The following GLYR1 variants were observed in gnomAD, a reference collection of about 807,000 sequenced individuals.
The protein encoded by GLYR1 is cytokine-like nuclear factor N-PAC.
GLYR1 carries 21 observed loss-of-function variants against 72.7 expected under a neutral mutation model. The ratio of observed to expected loss-of-function variants is 0.29; its 90% CI spans 0.20 to 0.42. The LOEUF is 0.42. Among genes scored for constraint, GLYR1 ranks in the 10% least tolerant of loss-of-function variants. The pLI, the probability that GLYR1 is intolerant of heterozygous loss-of-function variation, is 1.00. For missense variants in GLYR1, 594 were observed against 712.1 expected, an observed-to-expected ratio of 0.83 and a Z score of 1.89; for synonymous variants, 392 against 270.2, an observed-to-expected ratio of 1.45 and a Z score of -4.42.
intron 15 of GLYR1, among the ~76,000 whole-genome samples, chr16:4,805,673 T>A (rs1041132218): frequency 1.3e-5 from 2 of 152,114 alleles, no homozygotes; most frequent in African/African-American, 2.4e-5. Flanking sequence ...AAACCTCATC[T>A]CTACTAAAAA....
chr16:4,812,153 T>G lies in GLYR1; in HGVS notation c.1215A>C (p.Gly405=). Residue 405 remains glycine, a synonymous_variant, in exon 13 of 16, where the codon GGA becomes GGC. Transcript: ENST00000321919. ...NDGMLVILAA[G]DRGLYEDCSS... ...TGCAGTCCTCATATAAGCCCCTGTC[T>G]CCAGCCGCTAAGATCACCAACATCC... 1 of 1,613,564 alleles carries G rather than the reference T, an allele frequency of 6.2e-7. No homozygotes were observed. The highest frequency in any genetic ancestry group is 8.5e-7 in the Non-Finnish European group (1 of 1,179,984).
In GLYR1 at chr16:4,804,647, G is replaced by A. The variant is rs17624872; in HGVS notation, c.*589C>T. The stretch of plus-strand genomic sequence containing the variant: ...CTGGGTGCACACTGGACGCTTAGAC[G>A]TGAACATCTTTCTCAGCTCATCACC... On this transcript the variant is annotated 3_prime_UTR_variant, in exon 16 of 16. Coordinates refer to ENST00000321919, the MANE Select transcript of GLYR1 (RefSeq NM_032569.4). 2,805 of 157,016 alleles carry A rather than the reference G, an allele frequency of 0.018. 53 individuals carry two copies. Among genetic ancestry groups the A allele is most frequent in the Middle Eastern group, 0.043 (13 of 300 alleles). 9.7% of individuals were successfully genotyped at this position (157,016 alleles called of 1,614,324 possible). A position where few individuals can be genotyped will look rare whatever the true frequency, so the allele number is the denominator to read the frequency against.
intron 3 of GLYR1, chr16:4,843,756 G>A (rs13337114): frequency 4.6e-6 from 3 of 650,096 alleles, no homozygotes; most frequent in Admixed American, 7.6e-5. Context: ...CAAATCTAAG[G>A]CTGTATTTTC....
chr16:4,822,715 C>A, intron 7 of GLYR1, among the ~76,000 whole-genome samples, 160 bp downstream of exon 7: 1 of 152,214 alleles, frequency 6.6e-6, no homozygotes, highest in Non-Finnish European at 1.5e-5. Context: ...CTTAACAATG[C>A]TTGGCTCATT....
intron 3 of GLYR1, among the ~76,000 whole-genome samples, chr16:4,834,295 CT>C (rs778256795): frequency 0.022 from 2,624 of 118,340 alleles, 9 homozygotes; most frequent in Non-Finnish European, 0.029. Context: ...AGGCAAATTC[CT>C]TTTTTTTTTT....
At position 4,822,930 on chromosome 16, in the gene GLYR1, G is replaced by C. The variant is rs1165945024; in HGVS notation, c.626C>G (p.Pro209Arg). Residue 209 changes from proline (P) to arginine (R), a missense_variant and splice_region_variant, in exon 7 of 16, where the codon CCT becomes CGT. Pro to Arg is a moderately radical substitution (Grantham distance 103). This residue lies in a region of GLYR1 where 252 missense variants were observed against 211.3 expected (regional missense o/e 1.19). Coordinates refer to ENST00000321919, the MANE Select transcript of GLYR1 (RefSeq NM_032569.4). ...AFKWQPTASEPVKDADPHFHH... is the reference protein window; with the variant it reads ...AFKWQPTASERVKDADPHFHH... ...GAAATGAGGATCTGCATCTTTAACA[G>C]GCTGAAACCAGAAAACAGTGAAATA... The C allele has an allele frequency of 1.2e-6, 2 of 1,613,840 alleles. No individual in the cohort carries two copies. Among genetic ancestry groups the C allele is most frequent in the East Asian group, 2.2e-5 (1 of 44,888 alleles).
chr16:4,818,133 T>C (rs1290822854), intron 9 of GLYR1, among the ~76,000 whole-genome samples: 2 of 152,136 alleles, frequency 1.3e-5, no homozygotes, highest in African/African-American at 4.8e-5. Context: ...TAGCTGGGAT[T>C]ACAGGCGCAC....
chr16:4,832,884 G>C lies in GLYR1; in HGVS notation c.184C>G (p.Pro62Ala). The C allele has an allele frequency of 2.5e-6, 4 of 1,612,736 alleles. No homozygotes were observed. Among genetic ancestry groups the C allele is most frequent in the Non-Finnish European group, 2.5e-6 (3 of 1,179,464 alleles). ...ATTTCCTCTTTATGAGCATGATATGGCTTCAGCTGTTCCACTTTGATCCAG... is the reference window on the plus strand; with the variant it reads ...ATTTCCTCTTTATGAGCATGATATGCCTTCAGCTGTTCCACTTTGATCCAG... ...HAWIKVEQLKPYHAHKEEMIK... is the reference protein window; with the variant it reads ...HAWIKVEQLKAYHAHKEEMIK... The change falls in exon 4 of 16, where the codon CCA becomes GCA. Residue 62 changes from proline (P) to alanine (A), a missense_variant. Coordinates refer to ENST00000321919, the MANE Select transcript of GLYR1 (RefSeq NM_032569.4).
chr16:4,817,845 G>C, intron 9 of GLYR1, 148 bp from the exon 10 acceptor site: 1 of 637,758 alleles, frequency 1.6e-6, no homozygotes, highest in Non-Finnish European at 2.8e-6. Flanking sequence ...TCTACCTGCA[G>C]AGCCAGGGGC....
intron 5 of GLYR1, among the ~76,000 whole-genome samples, chr16:4,827,329 C>T (rs2084447454): frequency 6.6e-6 from 1 of 152,182 alleles, no homozygotes; most frequent in South Asian, 2.1e-4. Context: ...GCATTTAAAA[C>T]ACACCAAAAT....
chr16:4,829,755 C>G (rs1039391569), intron 5 of GLYR1, among the ~76,000 whole-genome samples: 3 of 152,164 alleles, frequency 2.0e-5, no homozygotes, highest in African/African-American at 7.2e-5. Flanking sequence ...TCACTGCAAC[C>G]TCTGCCTCCT....
rs1367024512 is a variant in GLYR1 at position 4,833,698 on chromosome 16, C to T, written c.156-786G>A. On this transcript the variant is annotated intron_variant, in intron 3 of 15. Transcript: ENST00000321919. ...TTGAGATTAAAGGTAGAAGAACATACACCTCCGATATGTAATTTTTAATTT... is the reference window on the plus strand; with the variant it reads ...TTGAGATTAAAGGTAGAAGAACATATACCTCCGATATGTAATTTTTAATTT... Among the ~76,000 whole-genome samples the T allele has an allele frequency of 4.0e-5, 6 of 151,204 alleles. No homozygotes were observed. The East Asian group carries it at 1.2e-3, about 29-fold the overall frequency.
At chr16:4,824,571 G>A (rs1235906514) in intron 5 of GLYR1, among the ~76,000 whole-genome samples, 2 of 151,046 alleles carry the variant, frequency 1.3e-5, no homozygotes, top group Non-Finnish European at 2.9e-5. Context: ...TCAAAGAAAC[G>A]AATAAAACCA....
chr16:4,804,191 G>C lies in GLYR1; in HGVS notation c.*1045C>G, dbSNP rs1432693645. 6.5e-6 allele frequency: 1 copy of C among 152,672 alleles called. No homozygotes were observed. Among genetic ancestry groups the C allele is most frequent in the South Asian group, 2.1e-4 (1 of 4,840 alleles). 9.5% of individuals were successfully genotyped at this position (152,672 alleles called of 1,614,324 possible). The stretch of plus-strand genomic sequence containing the variant: ...ACAGAAAGAAATACTGTCTCCACGG[G>C]AGGAAGAGGGAGAGGAGGGAGGATG... On this transcript the variant is annotated 3_prime_UTR_variant, in exon 16 of 16. Coordinates refer to ENST00000321919, the MANE Select transcript of GLYR1 (RefSeq NM_032569.4).
chr16:4,831,998 C>T lies in GLYR1; in HGVS notation c.518G>A (p.Arg173Gln), dbSNP rs767300963. 6 of 1,613,794 alleles carry T rather than the reference C, an allele frequency of 3.7e-6. No homozygotes were observed. The highest frequency in any genetic ancestry group is 2.2e-5 in the East Asian group (1 of 44,880). ...AQEQSPRKRG[R>Q]PPKDEKDLTI... ...ACAAACCTTCTCATCCTTTGGGGGC[C>T]GACCCCGCTTCCGGGGACTTTGCTC... Residue 173 changes from arginine to glutamine, a missense_variant, in exon 5 of 16, where the codon CGG becomes CAG. This residue lies in a region of GLYR1 where 252 missense variants were observed against 211.3 expected (regional missense o/e 1.19). Coordinates refer to ENST00000321919, the MANE Select transcript of GLYR1 (RefSeq NM_032569.4).
intron 12 of GLYR1, 49 bp downstream of exon 12, chr16:4,813,688 G>A (rs954487674): frequency 1.1e-5 from 16 of 1,477,170 alleles, no homozygotes; most frequent in African/African-American, 1.4e-5. Context: ...CTGGGTCTTG[G>A]GCTCTGATAG....
At position 4,846,922 on chromosome 16, in the gene GLYR1, G is replaced by A. The variant is rs111975774; in HGVS notation, c.38+306C>T. 7.3e-4 allele frequency: 330 copies of A among 453,034 alleles called. 1 individual carries two copies. Among genetic ancestry groups the A allele is most frequent in the African/African-American group, 6.5e-3 (308 of 47,568 alleles). The allele number at this position is 453,034 out of a possible 1,614,324, so 28.1% of individuals were successfully genotyped here. A position where few individuals can be genotyped will look rare whatever the true frequency, so the allele number is the denominator to read the frequency against. On this transcript the variant is annotated intron_variant, in intron 1 of 15. Transcript: ENST00000321919. ...CAAGACCCCGGGGACCGGTCGTCCG[G>A]GGAAGCCTCGCGGCACCGGCGGCTC...
intron 5 of GLYR1, 55 bp downstream of exon 5, chr16:4,831,924 T>C (rs2084826392): frequency 1.9e-6 from 3 of 1,580,996 alleles, no homozygotes; most frequent in Non-Finnish European, 2.6e-6. Context: ...AGCTTAACTC[T>C]ACCTTGTACT....
chr16:4,840,355 G>C (rs997243565), intron 3 of GLYR1: 2 of 152,172 alleles, frequency 1.3e-5, no homozygotes, highest in African/African-American at 4.8e-5. Context: ...AATTCTAAGA[G>C]ATCCCTTTGA....
Sources: allele counts gnomAD v4.1 joint callset (sites outside exome capture counted in the v4.1 genomes callset), GRCh38; gene constraint gnomAD v4.1.1; regional missense constraint gnomAD v4.1.1; transcripts MANE v1.5; gene names NCBI Gene and HGNC (gene_info 2026-07-23, HGNC 2026-07-21).